Variants in LRRC4C observed in about 807,000 individuals in gnomAD.
LRRC4C encodes the protein leucine rich repeat containing 4C.
A neutral mutation model predicts 33.6 loss-of-function variants in LRRC4C; 5 were observed. The observed-to-expected ratio is 0.15, with a 90% confidence interval of 0.08 to 0.31. The LOEUF (loss-of-function observed/expected upper bound fraction) is 0.31. Among genes scored for constraint, LRRC4C ranks in the 10% least tolerant of loss-of-function variants. The probability of loss-of-function intolerance (pLI) is 1.00; values close to 1 mark genes in which losing one functional copy is unlikely to be tolerated. For synonymous variants in LRRC4C, 329 were observed against 302.0 expected (o/e 1.09, Z -0.93); for missense variants, 560 against 796.7 (o/e 0.70, Z 3.58).
chr11:41,240,616 C>A (rs1020589765), intron 1 of LRRC4C, among the ~76,000 whole-genome samples: 1 of 152,132 alleles, frequency 6.6e-6, no homozygotes, highest in African/African-American at 2.4e-5. Context: ...ATGGTTTTCC[C>A]TAAGCCACCG....
At chr11:40,230,521 T>C (rs1172434963) in intron 5 of LRRC4C, among the ~76,000 whole-genome samples, 4 of 152,106 alleles carry the variant, frequency 2.6e-5, no homozygotes, top group African/African-American at 7.2e-5. Flanking sequence ...CAGACTTCAG[T>C]TGGGGTGATT....
At chr11:40,126,280 C>T (rs1020250831) in intron 6 of LRRC4C, among the ~76,000 whole-genome samples, 7 of 151,896 alleles carry the variant, frequency 4.6e-5, no homozygotes, top group African/African-American at 7.3e-5. Flanking sequence ...GTAGTCAGGA[C>T]GTCTCACCTA....
At position 40,758,930 on chromosome 11, in the gene LRRC4C, C is replaced by G. The variant is rs1000951999; in HGVS notation, c.-406-110652G>C. On this transcript the variant is annotated intron_variant, in intron 2 of 6. Transcript: ENST00000528697. ...GGATCACAGAAAGAAATTACAGGCT[C>G]AGTAACCACTAATAATCAATATCTC... 4.0e-5 allele frequency among the ~76,000 whole-genome samples: 6 copies of G among 151,818 alleles called. No homozygotes were observed. The East Asian group carries it at 1.2e-3, about 29-fold the overall frequency.
intron 2 of LRRC4C, among the ~76,000 whole-genome samples, chr11:40,776,285 T>C (rs1256716305): frequency 2.0e-5 from 3 of 146,494 alleles, no homozygotes; most frequent in Non-Finnish European, 3.0e-5. Context: ...TTTTTTTTTT[T>C]GAATATTTTC....
At chr11:40,174,867 T>G (rs778455438) in intron 5 of LRRC4C, among the ~76,000 whole-genome samples, 1 of 152,216 alleles carries the variant, frequency 6.6e-6, no homozygotes, top group Non-Finnish European at 1.5e-5. Context: ...TATTTTGAAG[T>G]GGAGGGAACT....
chr11:40,521,672 C>G (rs1178826667), intron 3 of LRRC4C, among the ~76,000 whole-genome samples: 3 of 151,944 alleles, frequency 2.0e-5, no homozygotes, highest in Non-Finnish European at 4.4e-5. Context: ...AGATCAAGAC[C>G]ATCCTGGCCA....
At chr11:41,074,544 C>T (rs534737311) in intron 1 of LRRC4C, among the ~76,000 whole-genome samples, 47 of 152,306 alleles carry the variant, frequency 3.1e-4, no homozygotes, top group African/African-American at 1.1e-3. Flanking sequence ...AGCACTTACT[C>T]CTCTAACCAC....
At chr11:40,788,701 T>C (rs961873680) in intron 2 of LRRC4C, among the ~76,000 whole-genome samples, 1 of 152,226 alleles carries the variant, frequency 6.6e-6, no homozygotes, top group African/African-American at 2.4e-5. Context: ...TATGAAGTTA[T>C]AATGCTTCTC....
intron 3 of LRRC4C, among the ~76,000 whole-genome samples, chr11:40,533,413 C>T (rs1377200198): frequency 4.6e-5 from 7 of 152,036 alleles, no homozygotes; most frequent in African/African-American, 1.2e-4. Context: ...AACGCCAATA[C>T]GTCATGATTA....
intron 2 of LRRC4C, among the ~76,000 whole-genome samples, chr11:40,859,380 T>G (rs2135822580): frequency 6.6e-6 from 1 of 152,238 alleles, no homozygotes; most frequent in South Asian, 2.1e-4. Context: ...GCTCGTAGAC[T>G]TATGTATTGT....
chr11:40,954,517 G>A (rs949101944), intron 1 of LRRC4C, among the ~76,000 whole-genome samples: 3 of 151,764 alleles, frequency 2.0e-5, no homozygotes, highest in African/African-American at 4.8e-5. Context: ...TTTGAGTAGG[G>A]CTAGGACCTT....
At chr11:41,216,516 T>G (rs2136350325) in intron 1 of LRRC4C, among the ~76,000 whole-genome samples, 1 of 152,024 alleles carries the variant, frequency 6.6e-6, no homozygotes, top group South Asian at 2.1e-4. Context: ...AACTGCTAGC[T>G]TTTCTAACAG....
At chr11:40,662,233 G>A (rs1475109132) in intron 2 of LRRC4C, among the ~76,000 whole-genome samples, 2 of 152,058 alleles carry the variant, frequency 1.3e-5, no homozygotes, top group African/African-American at 4.8e-5. Flanking sequence ...TCAATCCTAG[G>A]TGGCCAGATC....
At chr11:40,225,863 C>A (rs1343826784) in intron 5 of LRRC4C, among the ~76,000 whole-genome samples, 1 of 152,198 alleles carries the variant, frequency 6.6e-6, no homozygotes, top group Non-Finnish European at 1.5e-5. Flanking sequence ...AGGTGATCCG[C>A]CCGCCTCGGC....
intron 3 of LRRC4C, among the ~76,000 whole-genome samples, chr11:40,600,806 A>T (rs965956227): frequency 1.3e-5 from 2 of 152,216 alleles, no homozygotes. Flanking sequence ...CTCTTGGTAT[A>T]TTCAATGCAT....
At chr11:40,566,686 T>C (rs1274829067) in intron 3 of LRRC4C, among the ~76,000 whole-genome samples, 3 of 152,142 alleles carry the variant, frequency 2.0e-5, no homozygotes, top group African/African-American at 7.2e-5. Context: ...TGAACATAGG[T>C]AGCAATTTCA....
intron 3 of LRRC4C, among the ~76,000 whole-genome samples, chr11:40,454,198 A>T (rs568850511): frequency 4.3e-4 from 64 of 148,914 alleles, no homozygotes; most frequent in African/African-American, 8.4e-4. Flanking sequence ...TTTAACAGTG[A>T]GTCATTTGTT....
chr11:40,355,978 A>AGTATG (rs2137122790), intron 3 of LRRC4C, among the ~76,000 whole-genome samples: 1 of 36,378 alleles, frequency 2.7e-5, no homozygotes, highest in South Asian at 1.0e-3. Context: ...AGTATAGTAC[A>AGTATG]GTATAGTATA....
At chr11:41,374,886 A>T (rs1388451775) in intron 1 of LRRC4C, among the ~76,000 whole-genome samples, 1 of 152,126 alleles carries the variant, frequency 6.6e-6, no homozygotes, top group Non-Finnish European at 1.5e-5. Context: ...AGTACTTGGG[A>T]AAGTCAAGGT....
Sources: allele counts gnomAD v4.1 joint callset (sites outside exome capture counted in the v4.1 genomes callset), GRCh38; gene constraint gnomAD v4.1.1; transcripts MANE v1.5; gene names NCBI Gene and HGNC (gene_info 2026-07-23, HGNC 2026-07-21).